The following PTPN2 variants were observed in gnomAD, a reference collection of about 807,000 sequenced individuals.
The protein encoded by PTPN2 is tyrosine-protein phosphatase non-receptor type 2.
Under a neutral mutation model 57.3 loss-of-function variants are expected in PTPN2, and 19 were observed. That is an observed-to-expected ratio of 0.33 (90% CI 0.23 to 0.49). The LOEUF (loss-of-function observed/expected upper bound fraction) is 0.49, where lower values mean the gene tolerates loss of function less well. PTPN2 is among the 20% of genes least tolerant of loss of function. PTPN2 has a pLI of 0.99. For missense variants in PTPN2, 358 were observed against 501.1 expected, an observed-to-expected ratio of 0.71 and a Z score of 2.73; for synonymous variants, 153 against 164.9, an observed-to-expected ratio of 0.93 and a Z score of 0.55.
intron 1 of PTPN2, among the ~76,000 whole-genome samples, chr18:12,865,482 C>T (rs991491680): frequency 6.7e-6 from 1 of 149,778 alleles, no homozygotes; most frequent in African/African-American, 2.4e-5. Flanking sequence ...GTGGCTCATG[C>T]CTGTAATCCT....
At chr18:12,817,723 G>A (rs970329508) in intron 5 of PTPN2, among the ~76,000 whole-genome samples, 2 of 152,194 alleles carry the variant, frequency 1.3e-5, no homozygotes, top group Non-Finnish European at 2.9e-5. Context: ...GCTGGAACAT[G>A]GCAGAACCAG....
At chr18:12,816,408 G>C (rs1395599335) in intron 6 of PTPN2, among the ~76,000 whole-genome samples, 1 of 152,178 alleles carries the variant, frequency 6.6e-6, no homozygotes, top group East Asian at 1.9e-4. Flanking sequence ...CTAAGCTGCA[G>C]GGACTACTGA....
chr18:12,870,657 C>G lies in PTPN2; in HGVS notation c.70-11403G>C, dbSNP rs111445238. Among the ~76,000 whole-genome samples, 3 of 149,420 alleles carry G rather than the reference C, an allele frequency of 2.0e-5. No homozygotes were observed. The East Asian group carries it at 5.9e-4, about 30-fold the overall frequency. On this transcript the variant is annotated intron_variant, in intron 1 of 8. Transcript: ENST00000309660. ...CCGAGCAGCTGGGACTACAGGCGCC[C>G]GCAACCACGCCCGGCTACTTTTTTT...
chr18:12,853,825 C>G (rs963249051), intron 2 of PTPN2, among the ~76,000 whole-genome samples: 1 of 152,048 alleles, frequency 6.6e-6, no homozygotes, highest in African/African-American at 2.4e-5. Context: ...CTCCAAAAAG[C>G]CCAGTATGAT....
At position 12,794,082 on chromosome 18, in the gene PTPN2, A is replaced by C; in HGVS notation, c.*196T>G. The C allele has an allele frequency of 7.0e-7, 1 of 1,427,888 alleles. No homozygotes were observed. Among genetic ancestry groups the C allele is most frequent in the Non-Finnish European group, 9.1e-7 (1 of 1,097,600 alleles). 88.5% of individuals were successfully genotyped at this position (1,427,888 alleles called of 1,614,324 possible). A position where few individuals can be genotyped will look rare whatever the true frequency, so the allele number is the denominator to read the frequency against. Reference sequence around the variant, plus strand: ...GTCTTTATTTTAGACAGCCATTTACAGTTTGGGGTTCAGAGGAACCTGCAG... The same window carrying C: ...GTCTTTATTTTAGACAGCCATTTACCGTTTGGGGTTCAGAGGAACCTGCAG... On this transcript the variant is annotated 3_prime_UTR_variant, in exon 9 of 9. Coordinates refer to ENST00000309660, the MANE Select transcript of PTPN2 (RefSeq NM_002828.4).
At position 12,793,758 on chromosome 18, in the gene PTPN2, A is replaced by G. The variant is rs2041058406; in HGVS notation, c.*520T>C. The G allele has an allele frequency of 1.1e-6, 1 of 942,990 alleles. No individual in the cohort carries two copies. Among genetic ancestry groups the G allele is most frequent in the Non-Finnish European group, 1.3e-6 (1 of 790,722 alleles). 58.4% of individuals were successfully genotyped at this position (942,990 alleles called of 1,614,324 possible). ...CTCTTAAAAAGTACAGTTAACTACA[A>G]AAGATTAAATAGATACTTATAAAAT... On this transcript the variant is annotated 3_prime_UTR_variant, in exon 9 of 9. Coordinates refer to ENST00000309660, the MANE Select transcript of PTPN2 (RefSeq NM_002828.4).
At chr18:12,805,567 T>C (rs1382938747) in intron 7 of PTPN2, among the ~76,000 whole-genome samples, 2 of 151,710 alleles carry the variant, frequency 1.3e-5, no homozygotes, top group African/African-American at 2.4e-5. Context: ...CCATAGTTAA[T>C]ATCATACTGA....
chr18:12,826,200 C>T (rs1206379538), intron 4 of PTPN2, among the ~76,000 whole-genome samples: 1 of 152,056 alleles, frequency 6.6e-6, no homozygotes, highest in Non-Finnish European at 1.5e-5. Context: ...ATCAGGAGTT[C>T]GAGACCAACC....
chr18:12,824,935 A>C (rs1490858037), intron 5 of PTPN2, among the ~76,000 whole-genome samples: 3 of 152,136 alleles, frequency 2.0e-5, no homozygotes. Context: ...AAAAAAAATA[A>C]GAAAATTAGG....
At position 12,792,297 on chromosome 18, in the gene PTPN2, T is replaced by G. The variant is rs1219498233; in HGVS notation, c.*1981A>C. 2.1e-6 allele frequency: 2 copies of G among 943,454 alleles called. No individual in the cohort carries two copies. The highest frequency in any genetic ancestry group is 1.8e-5 in the African/African-American group (1 of 56,234). 58.4% of individuals were successfully genotyped at this position (943,454 alleles called of 1,614,324 possible). ...GGTTTTCAAACTTTTTTTTTTTTTT[T>G]TTTTGAGACGAAGTCTTGCTCTGTT... is the stretch of plus-strand genomic sequence containing the variant. On this transcript the variant is annotated 3_prime_UTR_variant, in exon 9 of 9. Transcript: ENST00000309660.
chr18:12,791,352 C>T (rs116222235), downstream of PTPN2, among the ~76,000 whole-genome samples: 22,700 of 152,064 alleles, frequency 0.15, 1,856 homozygotes, highest in African/African-American at 0.2. Flanking sequence ...AGCAACACTA[C>T]ATCATTCAAG....
At chr18:12,807,586 A>AAAAAAAAAAAAAAAAAAAAAAAT in intron 7 of PTPN2, among the ~76,000 whole-genome samples, 1 of 35,198 alleles carries the variant, frequency 2.8e-5, no homozygotes, top group Non-Finnish European at 6.1e-5. Context: ...AAAAAAAAAA[A>AAAAAAAAAAAAAAAAAAAAAAAT]ATATATATAT....
chr18:12,802,371 T>C (rs1047251480), intron 7 of PTPN2, among the ~76,000 whole-genome samples: 6 of 152,348 alleles, frequency 3.9e-5, no homozygotes, highest in Admixed American at 3.9e-4. Flanking sequence ...AGTATTTATG[T>C]ACATGAGTAT....
rs1384897780 is a variant in PTPN2, at chr18:12,884,121, C to G, written c.21G>C (p.Arg7=). 4.4e-6 allele frequency: 7 copies of G among 1,588,428 alleles called. No homozygotes were observed. Among genetic ancestry groups the G allele is most frequent in the Non-Finnish European group, 6.0e-6 (7 of 1,168,844 alleles). ...GCTGAGTATCCAACTCTTCGAACTC[C>G]CGCTCGATGGTGGTGGGCATGGCTG... MPTTIE[R]EFEELDTQRR... is the part of the protein sequence containing the mutation. The change falls in exon 1 of 9, where the codon CGG becomes CGC. Residue 7 remains arginine, a synonymous_variant. Transcript: ENST00000309660.
intron 1 of PTPN2, among the ~76,000 whole-genome samples, chr18:12,860,551 C>T (rs2043768729): frequency 1.3e-5 from 2 of 151,950 alleles, no homozygotes; most frequent in Admixed American, 1.3e-4. Context: ...GAGCCGAGGT[C>T]GTACCACTGT....
chr18:12,874,862 A>G (rs547696234), intron 1 of PTPN2, among the ~76,000 whole-genome samples: 2 of 152,336 alleles, frequency 1.3e-5, no homozygotes, highest in East Asian at 3.9e-4. Flanking sequence ...TGTGGAATAG[A>G]AAGCAGGGAA....
At position 12,785,988 on chromosome 18, in the gene PTPN2, C is replaced by T. The variant is rs1372584906; in HGVS notation, c.1143-144G>A. On this transcript the variant is annotated intron_variant, in intron 9 of 9. Coordinates refer to the PTPN2 transcript ENST00000327283. ...TTCCCACATGACACATTCAACCACA[C>T]TAAGTGCTGCACTGTTATCTTAGGG... 3 of 696,106 alleles carry T rather than the reference C, an allele frequency of 4.3e-6. No homozygotes were observed. In the South Asian group the frequency reaches 5.2e-5, roughly 12 times the overall value. 43.1% of individuals were successfully genotyped at this position (696,106 alleles called of 1,614,324 possible).
chr18:12,869,446 C>T (rs757426458), intron 1 of PTPN2, among the ~76,000 whole-genome samples: 1 of 152,244 alleles, frequency 6.6e-6, no homozygotes, highest in Non-Finnish European at 1.5e-5. Context: ...CAGGCGTGAG[C>T]CATGGCGCCT....
At chr18:12,836,340 C>T (rs1330760887) in intron 3 of PTPN2, among the ~76,000 whole-genome samples, 1 of 152,202 alleles carries the variant, frequency 6.6e-6, no homozygotes, top group East Asian at 1.9e-4. Flanking sequence ...TCTCAGCACC[C>T]GCTCAGGTCC....
Sources: allele counts gnomAD v4.1 joint callset (sites outside exome capture counted in the v4.1 genomes callset), GRCh38; gene constraint gnomAD v4.1.1; transcripts MANE v1.5; gene names NCBI Gene and HGNC (gene_info 2026-07-23, HGNC 2026-07-21).